The following MICU1 variants were observed in gnomAD, a reference collection of about 807,000 sequenced individuals.
MICU1 encodes calcium uptake protein 1, mitochondrial.
A neutral mutation model predicts 56.8 loss-of-function variants in MICU1; 45 were observed. The ratio of observed to expected loss-of-function variants is 0.79; its 90% CI spans 0.62 to 1.02. MICU1 has a LOEUF of 1.02. MICU1 is among the 50% of genes least tolerant of loss of function. The pLI is 0.00. For missense variants in MICU1, 504 were observed against 587.1 expected (o/e 0.86, Z 1.46); for synonymous variants, 186 against 195.1 (o/e 0.95, Z 0.39).
chr10:72,504,589 C>T (rs1328061046), intron 6 of MICU1, among the ~76,000 whole-genome samples: 1 of 151,922 alleles, frequency 6.6e-6, no homozygotes, highest in Non-Finnish European at 1.5e-5. Flanking sequence ...TGAGTTATTC[C>T]CCAAAAGCAA....
At chr10:72,551,519 A>C (rs1840035280) in intron 3 of MICU1, among the ~76,000 whole-genome samples, 178 bp from the exon 4 acceptor site, 1 of 152,140 alleles carries the variant, frequency 6.6e-6, no homozygotes, top group African/African-American at 2.4e-5. Context: ...AAAATTGTTA[A>C]TATTCTTGGA....
At chr10:72,588,806 A>ACAAC (rs1004384503) in intron 1 of MICU1, among the ~76,000 whole-genome samples, 1 of 152,174 alleles carries the variant, frequency 6.6e-6, no homozygotes, top group African/African-American at 2.4e-5. Context: ...CCCAGTTATG[A>ACAAC]CAACCAAAAA....
chr10:72,555,798 A>G (rs1410804525), intron 3 of MICU1, among the ~76,000 whole-genome samples: 2 of 152,250 alleles, frequency 1.3e-5, no homozygotes, highest in Non-Finnish European at 2.9e-5. Context: ...AAAGGCCTAT[A>G]TTTAATTGTC....
At chr10:72,453,463 C>T (rs1045456448) in intron 8 of MICU1, among the ~76,000 whole-genome samples, 1 of 150,556 alleles carries the variant, frequency 6.6e-6, no homozygotes. Flanking sequence ...GATCAGTAAA[C>T]CAAGCAGTAC....
At chr10:72,432,033 T>C (rs1864550192) in intron 8 of MICU1, among the ~76,000 whole-genome samples, 1 of 152,144 alleles carries the variant, frequency 6.6e-6, no homozygotes, top group South Asian at 2.1e-4. Flanking sequence ...GCAGTGCTGA[T>C]ACTTGTCTCA....
intron 8 of MICU1, among the ~76,000 whole-genome samples, chr10:72,452,069 T>C (rs1222507830): frequency 6.6e-6 from 1 of 152,146 alleles, no homozygotes; most frequent in Non-Finnish European, 1.5e-5. Flanking sequence ...GGTTTCACCA[T>C]GTTGGCCAGG....
intron 11 of MICU1, among the ~76,000 whole-genome samples, chr10:72,373,237 C>T (rs1328450614): frequency 6.7e-6 from 1 of 149,128 alleles, no homozygotes; most frequent in Non-Finnish European, 1.5e-5. Context: ...TGGAGTGCAG[C>T]GCTAGGATCA....
chr10:72,445,576 G>A (rs891266189), intron 8 of MICU1, among the ~76,000 whole-genome samples: 1 of 152,114 alleles, frequency 6.6e-6, no homozygotes, highest in Non-Finnish European at 1.5e-5. Context: ...TTTGCAGCAC[G>A]ACATATTCCC....
chr10:72,400,694 C>G (rs1264899907), intron 10 of MICU1, among the ~76,000 whole-genome samples: 1 of 151,940 alleles, frequency 6.6e-6, no homozygotes, highest in African/African-American at 2.4e-5. Flanking sequence ...TGCAGTGAGC[C>G]AAGATCATGC....
intron 6 of MICU1, among the ~76,000 whole-genome samples, chr10:72,477,979 A>G (rs1258108517): frequency 3.3e-5 from 5 of 151,524 alleles, no homozygotes; most frequent in Non-Finnish European, 5.9e-5. Context: ...AGTGATGCTC[A>G]TGCCTCAGCC....
intron 3 of MICU1, among the ~76,000 whole-genome samples, chr10:72,561,759 C>T (rs974883820): frequency 6.6e-6 from 1 of 152,108 alleles, no homozygotes; most frequent in Non-Finnish European, 1.5e-5. Flanking sequence ...TACAGTGAGC[C>T]AAGATCATGC....
intron 1 of MICU1, among the ~76,000 whole-genome samples, chr10:72,579,502 C>T (rs1840842279): frequency 6.6e-6 from 1 of 152,192 alleles, no homozygotes; most frequent in South Asian, 2.1e-4. Flanking sequence ...ATCCACAAAT[C>T]TGAAATGCCC....
intron 10 of MICU1, among the ~76,000 whole-genome samples, chr10:72,401,028 C>T (rs762814338): frequency 2.0e-5 from 3 of 152,064 alleles, no homozygotes; most frequent in African/African-American, 7.2e-5. Flanking sequence ...TAAACTACTC[C>T]TGGGCTCAAG....
intron 8 of MICU1, 122 bp downstream of exon 8, chr10:72,474,978 G>A (rs1169932485): frequency 9.9e-6 from 8 of 805,588 alleles, no homozygotes; most frequent in Non-Finnish European, 1.5e-5. Context: ...ATAAAGCACT[G>A]ATAAGCTTCA....
chr10:72,596,098 G>A (rs987474110), intron 1 of MICU1, among the ~76,000 whole-genome samples: 6 of 150,304 alleles, frequency 4.0e-5, no homozygotes, highest in Admixed American at 6.7e-5. Context: ...TGATTCTCCC[G>A]CCTCAGCCTC....
intron 1 of MICU1, among the ~76,000 whole-genome samples, chr10:72,604,140 A>AT (rs1229650359): frequency 6.6e-6 from 1 of 152,170 alleles, no homozygotes; most frequent in Non-Finnish European, 1.5e-5. Flanking sequence ...CTTTTTTAGC[A>AT]TTCAAAGCAA....
At chr10:72,578,421 CT>C (rs34573464) in intron 1 of MICU1, among the ~76,000 whole-genome samples, 5,855 of 134,630 alleles carry the variant, frequency 0.043, 389 homozygotes, top group African/African-American at 0.15. Flanking sequence ...CCATGCCTGG[CT>C]TTTTTTTTTT....
At position 72,450,977 on chromosome 10, in the gene MICU1, A is replaced by G. The variant is rs1245322749; in HGVS notation, c.933+24123T>C. ...GTGATCTGCCTGCCTTGGCCTCCCA[A>G]AGTGCTGGGATTACAGGCGTGAGCT... On this transcript the variant is annotated intron_variant, in intron 8 of 11. Transcript: ENST00000361114. 5.3e-5 allele frequency among the ~76,000 whole-genome samples: 8 copies of G among 150,620 alleles called. No individual in the cohort carries two copies. The East Asian group carries it at 1.6e-3, about 30-fold the overall frequency.
intron 1 of MICU1, among the ~76,000 whole-genome samples, chr10:72,586,381 TG>T (rs1285456837): frequency 6.6e-6 from 1 of 152,094 alleles, no homozygotes; most frequent in Non-Finnish European, 1.5e-5. Context: ...CCAGGCACTG[TG>T]GCTCACACCT....
Sources: gnomAD v4.1 joint callset for allele counts (sites outside exome capture counted in the v4.1 genomes callset) on GRCh38, gnomAD v4.1.1 for gene constraint, MANE v1.5 for transcripts, NCBI Gene and HGNC (gene_info 2026-07-23, HGNC 2026-07-21) for gene names.